The following ATP13A4 variants were observed in gnomAD, a reference collection of about 807,000 sequenced individuals.
ATP13A4 encodes the protein probable cation-transporting ATPase 13A4.
In ATP13A4, 114 loss-of-function variants were observed where a neutral mutation model predicts 142.5. The ratio of observed to expected loss-of-function variants is 0.80; its 90% CI spans 0.69 to 0.93. The LOEUF is 0.93. ATP13A4 is among the 40% of genes least tolerant of loss of function. The probability of loss-of-function intolerance (pLI) is 0.00; values close to 1 mark genes in which losing one functional copy is unlikely to be tolerated. For synonymous variants in ATP13A4, 488 were observed against 514.8 expected (o/e 0.95, Z 0.70); for missense variants, 1,392 against 1,454.0 (o/e 0.96, Z 0.69).
upstream of ATP13A4, among the ~76,000 whole-genome samples, chr3:193,556,447 A>G (rs982262480): frequency 6.6e-6 from 1 of 151,928 alleles, no homozygotes; most frequent in Non-Finnish European, 1.5e-5. Flanking sequence ...AGCTAAGTAA[A>G]CCCATTGTAA....
At chr3:193,560,744 TG>T (rs1723997772) in intron 2 of ATP13A4, among the ~76,000 whole-genome samples, 1 of 152,200 alleles carries the variant, frequency 6.6e-6, no homozygotes, top group African/African-American at 2.4e-5. Flanking sequence ...AATCTGTGCT[TG>T]GGGAGCTGAT....
intron 16 of ATP13A4, 86 bp downstream of exon 16, chr3:193,456,914 G>A (rs550564240): frequency 2.1e-5 from 32 of 1,495,408 alleles, no homozygotes; most frequent in Middle Eastern, 3.4e-4. Flanking sequence ...ACCCATAGGC[G>A]ATTGAATTAA....
rs1279066051 is a variant in ATP13A4, at chr3:193,573,290, C to CTTAT, written n.291+8416_291+8417insATAA. On this transcript the variant is annotated intron_variant and non_coding_transcript_variant, in intron 2 of 3. Transcript: ENST00000489140. ...ATATATATATACATATATATATATACACATATATATATATATACATATATA... is the reference window on the plus strand; with the variant it reads ...ATATATATATACATATATATATATACTTATACATATATATATATATACATATATA... Among the ~76,000 whole-genome samples the CTTAT allele has an allele frequency of 2.1e-3, 236 of 109,952 alleles. 5 individuals carry two copies. Among genetic ancestry groups the CTTAT allele is most frequent in the Middle Eastern group, 0.017 (4 of 238 alleles). 72.1% of individuals were successfully genotyped at this position (109,952 alleles called of 152,430 possible).
intron 1 of ATP13A4, among the ~76,000 whole-genome samples, chr3:193,538,607 C>T (rs1560267927): frequency 6.6e-6 from 1 of 151,770 alleles, no homozygotes; most frequent in African/African-American, 2.4e-5. Context: ...TCAGCCCAGG[C>T]CCTTTCAGCA....
rs1716642171 is a variant in ATP13A4, at chr3:193,441,553, A to T, written c.2352T>A (p.Asp784Glu). 1.2e-6 allele frequency: 2 copies of T among 1,613,018 alleles called. No homozygotes were observed. The highest frequency in any genetic ancestry group is 2.2e-5 in the South Asian group (2 of 91,058). ...AATGGTAACTTCCTTCTCTGCCTTT[A>T]TCAGAGACTTCATCCCTGATGTTAA... ...NYINIRDEVS[D>E]KGREGSYHFA... is the part of the protein sequence containing the mutation. The change falls in exon 20 of 30, where the codon GAT becomes GAA. Residue 784 changes from aspartate (D) to glutamate (E), a missense_variant. By Grantham distance (45) the Asp-to-Glu change is conservative. Coordinates refer to ENST00000342695, the MANE Select transcript of ATP13A4 (RefSeq NM_032279.4).
intron 18 of ATP13A4, among the ~76,000 whole-genome samples, chr3:193,446,053 C>G (rs774219193): frequency 8.2e-4 from 125 of 152,120 alleles, no homozygotes; most frequent in Non-Finnish European, 1.2e-3. Flanking sequence ...GTCCCAGTTA[C>G]TAAGAAGGCT....
intron 25 of ATP13A4, among the ~76,000 whole-genome samples, chr3:193,419,703 A>G (rs960040423): frequency 1.3e-5 from 2 of 150,236 alleles, no homozygotes; most frequent in African/African-American, 4.9e-5. Context: ...CTGGCTGAGC[A>G]GAGACATCCC....
chr3:193,522,376 A>G (rs956240368), intron 1 of ATP13A4, among the ~76,000 whole-genome samples: 2 of 152,084 alleles, frequency 1.3e-5, no homozygotes, highest in Admixed American at 6.6e-5. Context: ...TGTTCCAGTC[A>G]CCCTAAATAT....
At chr3:193,443,408 C>G (rs1207391940) in intron 18 of ATP13A4, among the ~76,000 whole-genome samples, 1 of 152,094 alleles carries the variant, frequency 6.6e-6, no homozygotes, top group Admixed American at 6.5e-5. Context: ...GTGAGGCAGA[C>G]CCAAACATCA....
intron 1 of ATP13A4, among the ~76,000 whole-genome samples, chr3:193,587,176 TTAAA>T (rs774593634): frequency 7.2e-5 from 11 of 152,322 alleles, no homozygotes; most frequent in Non-Finnish European, 1.0e-4. Flanking sequence ...ACTGGGTGGG[TTAAA>T]ACCACAGAAA....
chr3:193,532,676 T>G (rs1722397357), intron 1 of ATP13A4, among the ~76,000 whole-genome samples: 1 of 152,118 alleles, frequency 6.6e-6, no homozygotes. Flanking sequence ...TCATAATTTT[T>G]GATGCAGTAA....
chr3:193,420,252 G>GC (rs1715340320), intron 25 of ATP13A4, among the ~76,000 whole-genome samples: 1 of 149,100 alleles, frequency 6.7e-6, no homozygotes, highest in African/African-American at 2.5e-5. Flanking sequence ...GGCCACTGAG[G>GC]CACTCAGTCA....
At chr3:193,451,700 T>C (rs916698248) in intron 17 of ATP13A4, among the ~76,000 whole-genome samples, 1 of 152,132 alleles carries the variant, frequency 6.6e-6, no homozygotes, top group African/African-American at 2.4e-5. Context: ...GTTCTTAAAA[T>C]CCATGTGACT....
Position 193,493,073 on chromosome 3 carries a change from T to A in ATP13A4, c.452+17A>T, listed in dbSNP as rs201472523. 2.2e-5 allele frequency: 36 copies of A among 1,611,692 alleles called. No homozygotes were observed. The South Asian group carries it at 3.7e-4, about 17-fold the overall frequency. Reference sequence around the variant, plus strand: ...TAACATTTTTCTTCTTTGGCTGTACTTGCTAAAACAACTTACCCAATTTTC... The same window carrying A: ...TAACATTTTTCTTCTTTGGCTGTACATGCTAAAACAACTTACCCAATTTTC... On this transcript the variant is annotated intron_variant, in intron 4 of 29. Coordinates refer to ENST00000342695, the MANE Select transcript of ATP13A4 (RefSeq NM_032279.4).
At chr3:193,440,367 A>C (rs1278974348) in intron 21 of ATP13A4, 191 bp downstream of exon 21, 1 of 1,108,750 alleles carries the variant, frequency 9.0e-7, no homozygotes, top group Admixed American at 2.9e-5. Context: ...TAAACAACTG[A>C]ATCAGGATCT....
intron 2 of ATP13A4, among the ~76,000 whole-genome samples, chr3:193,571,750 G>A (rs966412924): frequency 1.3e-5 from 2 of 152,010 alleles, no homozygotes; most frequent in Non-Finnish European, 2.9e-5. Flanking sequence ...GAGAATCTGA[G>A]GAAATGTCAT....
intron 2 of ATP13A4, among the ~76,000 whole-genome samples, chr3:193,566,476 G>A (rs776448496): frequency 3.9e-5 from 6 of 152,090 alleles, no homozygotes; most frequent in Non-Finnish European, 8.8e-5. Flanking sequence ...TATGCAGCCC[G>A]GAACCTTCTT....
rs115435191 is a variant in ATP13A4, at chr3:193,524,187, T to C, written c.61-9316A>G. On this transcript the variant is annotated intron_variant, in intron 1 of 29. Coordinates refer to ENST00000342695, the MANE Select transcript of ATP13A4 (RefSeq NM_032279.4). ...ACAATGAGTAAAGTGTTTTCCAAAA[T>C]TCTAACAAATCATTGAACCTGAAAG... Among the ~76,000 whole-genome samples, 1,216 of 152,300 alleles carry C rather than the reference T, an allele frequency of 8.0e-3. 18 individuals are homozygous for C. The highest frequency in any genetic ancestry group is 0.027 in the African/African-American group (1,124 of 41,554).
chr3:193,525,167 G>T (rs1721934080), intron 1 of ATP13A4, among the ~76,000 whole-genome samples: 1 of 152,278 alleles, frequency 6.6e-6, no homozygotes, highest in Admixed American at 6.5e-5. Context: ...GTCTAAGGAA[G>T]AATATAAGAA....
Sources: allele counts gnomAD v4.1 joint callset (sites outside exome capture counted in the v4.1 genomes callset), GRCh38; gene constraint gnomAD v4.1.1; transcripts MANE v1.5; gene names NCBI Gene and HGNC (gene_info 2026-07-23, HGNC 2026-07-21).